The following SULF2 variants were observed in gnomAD, a reference collection of about 807,000 sequenced individuals.
SULF2 encodes the protein sulfatase 2.
Under a neutral mutation model 107.7 loss-of-function variants are expected in SULF2, and 52 were observed. The observed-to-expected ratio is 0.48, with a 90% CI of 0.39 to 0.61. The LOEUF (loss-of-function observed/expected upper bound fraction) is 0.61. Among genes scored for constraint, SULF2 ranks in the 20% least tolerant of loss-of-function variants. The pLI is 0.00. For synonymous variants in SULF2, 460 were observed against 464.3 expected, an observed-to-expected ratio of 0.99 and a Z score of 0.12; for missense variants, 993 against 1,177.3, an observed-to-expected ratio of 0.84 and a Z score of 2.29.
chr20:47,752,944 T>C (rs2090191873), intron 2 of SULF2, among the ~76,000 whole-genome samples: 2 of 151,288 alleles, frequency 1.3e-5, no homozygotes, highest in Admixed American at 1.3e-4. Flanking sequence ...CTACTAAAAA[T>C]ACAAAAATTA....
chr20:47,715,097 T>A (rs1363722043), intron 3 of SULF2, among the ~76,000 whole-genome samples: 1 of 145,804 alleles, frequency 6.9e-6, no homozygotes, highest in Non-Finnish European at 1.5e-5. Flanking sequence ...TTTTGTATTT[T>A]TTTTTTTTTT....
chr20:47,718,517 C>T (rs1263481232), intron 3 of SULF2, among the ~76,000 whole-genome samples: 10 of 152,172 alleles, frequency 6.6e-5, no homozygotes, highest in South Asian at 4.1e-4. Flanking sequence ...AAGGCCAGTC[C>T]GAGGCAGGGA....
chr20:47,659,991 G>A lies in SULF2; in HGVS notation c.2495-261C>T, dbSNP rs115812124. Among the ~76,000 whole-genome samples, 764 of 152,252 alleles carry A rather than the reference G, an allele frequency of 5.0e-3. 8 individuals carry two copies. The highest frequency in any genetic ancestry group is 0.017 in the African/African-American group (691 of 41,536). The stretch of plus-strand genomic sequence containing the variant: ...CAGGACCCTGATGGCTTCATTCAGC[G>A]CTGACCTTAGTTATGGTGAGGGAGG... On this transcript the variant is annotated intron_variant, in intron 18 of 20. Coordinates refer to ENST00000688720, the MANE Select transcript of SULF2 (RefSeq NM_001387048.1).
At chr20:47,700,153 C>A (rs1470880054) in intron 4 of SULF2, among the ~76,000 whole-genome samples, 2 of 152,156 alleles carry the variant, frequency 1.3e-5, no homozygotes, top group Non-Finnish European at 2.9e-5. Flanking sequence ...AATGGGACAT[C>A]TGGATGAAAC....
In SULF2 at chr20:47,693,275, A is replaced by G. The variant is rs149446129; in HGVS notation, c.568-2980T>C. On this transcript the variant is annotated intron_variant, in intron 4 of 20. Transcript: ENST00000688720. ...TGCAAAGCTCTGTACCCTGACATCA[A>G]CAGTCAGGGCCTGAAGGGGTCAAGT... 3.0e-3 allele frequency among the ~76,000 whole-genome samples: 454 copies of G among 152,316 alleles called. 5 individuals are homozygous for G. The highest frequency in any genetic ancestry group is 0.01 in the African/African-American group (432 of 41,560).
chr20:47,685,232 CTTTTT>C (rs914293063), intron 5 of SULF2: 6 of 152,230 alleles, frequency 3.9e-5, no homozygotes, highest in Non-Finnish European at 8.8e-5. Flanking sequence ...ATGCCACATT[CTTTTT>C]TATTTTTTGA....
rs561809074 is a variant in SULF2, at chr20:47,700,687, C to G, written c.567+1832G>C. Among the ~76,000 whole-genome samples the G allele has an allele frequency of 1.5e-4, 22 of 147,550 alleles. 1 individual carries two copies. Among genetic ancestry groups the G allele is most frequent in the African/African-American group, 3.8e-4 (15 of 39,708 alleles). On this transcript the variant is annotated intron_variant, in intron 4 of 20. Transcript: ENST00000688720. ...TTGAGATGGAGTCTCGCTCTGTCTCCCAGGCTGGAGAGCAGTGATGTGATC... is the reference window on the plus strand; with the variant it reads ...TTGAGATGGAGTCTCGCTCTGTCTCGCAGGCTGGAGAGCAGTGATGTGATC...
chr20:47,763,036 GT>G (rs200819215), intron 1 of SULF2, among the ~76,000 whole-genome samples: 1 of 151,982 alleles, frequency 6.6e-6, no homozygotes, highest in Non-Finnish European at 1.5e-5. Flanking sequence ...ATTCTGCCTT[GT>G]TTTTTTTCCT....
intron 10 of SULF2, among the ~76,000 whole-genome samples, chr20:47,674,807 A>G (rs2087586349): frequency 6.6e-6 from 1 of 152,142 alleles, no homozygotes; most frequent in African/African-American, 2.4e-5. Flanking sequence ...AGGGCATTCC[A>G]GAAGGCACGG....
At chr20:47,786,381 G>A (rs1020511180), upstream of SULF2, 3 of 152,138 alleles carry the variant, frequency 2.0e-5, no homozygotes, top group Admixed American at 6.5e-5. Context: ...GTTAATAAAT[G>A]TTTTCTTTTA....
chr20:47,666,597 TCAGCTTTGCCTGCGACTCGAG>T lies in SULF2; in HGVS notation c.1577-130_1577-110del. ...AGGGCCGGGCTTCCAAGCATGAGGC[TCAGCTTTGCCTGCGACTCGAG>T]GGGTCGTGGAATCTACCCGCCTGCT... On this transcript the variant is annotated intron_variant, in intron 11 of 20. Coordinates refer to ENST00000688720, the MANE Select transcript of SULF2 (RefSeq NM_001387048.1). This position sits in a 1 kb window ranked among gnomAD's most constrained non-coding sequence, Gnocchi z 5.4. 1 of 882,054 alleles carries T rather than the reference TCAGCTTTGCCTGCGACTCGAG, an allele frequency of 1.1e-6. No homozygotes were observed. The highest frequency in any genetic ancestry group is 1.6e-5 in the South Asian group (1 of 63,038). 54.6% of individuals were successfully genotyped at this position (882,054 alleles called of 1,614,324 possible).
intron 1 of SULF2, among the ~76,000 whole-genome samples, chr20:47,773,957 A>G (rs2090678785): frequency 1.3e-5 from 2 of 152,236 alleles, no homozygotes; most frequent in South Asian, 4.1e-4. Context: ...TAATAATCCA[A>G]TTACTTCTTT....
chr20:47,723,708 A>G (rs182854696), intron 3 of SULF2, among the ~76,000 whole-genome samples: 87 of 152,334 alleles, frequency 5.7e-4, no homozygotes, highest in African/African-American at 1.9e-3. Flanking sequence ...CTAATGCCTG[A>G]TGATCTGTCA....
rs2087793948 is a variant in SULF2, at chr20:47,680,646, T to C, written c.1065-1842A>G. 6.6e-6 allele frequency among the ~76,000 whole-genome samples: 1 copy of C among 152,232 alleles called. No individual in the cohort carries two copies. The highest frequency in any genetic ancestry group is 2.4e-5 in the African/African-American group (1 of 41,468). On this transcript the variant is annotated intron_variant, in intron 7 of 20. Transcript: ENST00000688720. This position sits in a 1 kb window ranked among gnomAD's most constrained non-coding sequence, Gnocchi z 4.2. The stretch of plus-strand genomic sequence containing the variant: ...GCAGGCTGCCAAGCATGTGTGCAGC[T>C]GCTGAAGATGGGGCTGTGTCATGGG...
At chr20:47,717,544 T>A (rs868542701) in intron 3 of SULF2, among the ~76,000 whole-genome samples, 2 of 152,294 alleles carry the variant, frequency 1.3e-5, no homozygotes, top group Admixed American at 6.5e-5. Context: ...CAAATGGGAC[T>A]CAGCCTCCGA....
intron 2 of SULF2, among the ~76,000 whole-genome samples, chr20:47,753,736 T>C (rs1285944866): frequency 6.6e-6 from 1 of 152,226 alleles, no homozygotes; most frequent in Non-Finnish European, 1.5e-5. Context: ...GCCAGAACCA[T>C]GTCTTAATCC....
At chr20:47,731,535 A>G (rs2089612540) in intron 3 of SULF2, among the ~76,000 whole-genome samples, 1 of 152,120 alleles carries the variant, frequency 6.6e-6, no homozygotes, top group Admixed American at 6.5e-5. Flanking sequence ...AGCCAGCTGC[A>G]GTCGGGGTTC....
intron 3 of SULF2, among the ~76,000 whole-genome samples, chr20:47,712,066 C>T (rs932967173): frequency 6.6e-6 from 1 of 152,218 alleles, no homozygotes; most frequent in African/African-American, 2.4e-5. Flanking sequence ...TACACATATA[C>T]ACAGGATATA....
intron 1 of SULF2, among the ~76,000 whole-genome samples, chr20:47,763,904 G>A (rs531772765): frequency 1.3e-5 from 2 of 152,186 alleles, no homozygotes; most frequent in South Asian, 4.2e-4. Context: ...TCCATCCCAC[G>A]CAGAGTAAAA....
Sources: allele counts gnomAD v4.1 joint callset (sites outside exome capture counted in the v4.1 genomes callset), GRCh38; gene constraint gnomAD v4.1.1; non-coding constraint Gnocchi (gnomAD v3.1); transcripts MANE v1.5; gene names NCBI Gene and HGNC (gene_info 2026-07-23, HGNC 2026-07-21).